Variants in SCNN1G observed in about 807,000 individuals in gnomAD.
SCNN1G encodes the protein sodium channel epithelial 1 subunit gamma, also known as epithelial sodium channel subunit gamma.
SCNN1G carries 27 observed loss-of-function variants against 64.6 expected under a neutral mutation model. The ratio of observed to expected loss-of-function variants is 0.42; its 90% CI spans 0.31 to 0.58. SCNN1G has a LOEUF of 0.58. Ranked by LOEUF, SCNN1G falls within the 20% of genes least tolerant of loss-of-function variation. SCNN1G has a pLI of 0.18. For synonymous variants in SCNN1G, 330 were observed against 314.2 expected, an observed-to-expected ratio of 1.05 and a Z score of -0.53; for missense variants, 743 against 823.4, an observed-to-expected ratio of 0.90 and a Z score of 1.19.
chr16:23,184,536 A>G (rs1056349112), intron 1 of SCNN1G, among the ~76,000 whole-genome samples: 7 of 152,184 alleles, frequency 4.6e-5, no homozygotes, highest in Middle Eastern at 3.2e-3. Flanking sequence ...GGCTACTAGC[A>G]TCATTTTGAT....
intron 10 of SCNN1G, 66 bp from the exon 11 acceptor site, chr16:23,213,036 T>G: frequency 6.5e-7 from 1 of 1,546,084 alleles, no homozygotes; most frequent in Non-Finnish European, 8.9e-7. Flanking sequence ...TTGGGGAGCC[T>G]GAGGCGGGAG....
intron 6 of SCNN1G, among the ~76,000 whole-genome samples, chr16:23,208,113 T>C (rs1960019857): frequency 6.6e-6 from 1 of 152,246 alleles, no homozygotes. Flanking sequence ...CCATTTTTGC[T>C]TGTTTGGCTT....
intron 6 of SCNN1G, among the ~76,000 whole-genome samples, 171 bp from the exon 7 acceptor site, chr16:23,209,579 A>C (rs1960045688): frequency 6.6e-6 from 1 of 152,180 alleles, no homozygotes; most frequent in Non-Finnish European, 1.5e-5. Flanking sequence ...AGTGTCTACC[A>C]CAGTACCAGG....
At chr16:23,206,797 A>G (rs900601846) in intron 6 of SCNN1G, among the ~76,000 whole-genome samples, 2 of 152,206 alleles carry the variant, frequency 1.3e-5, no homozygotes, top group Non-Finnish European at 1.5e-5. Context: ...CTATGTGTGC[A>G]CACACATACA....
chr16:23,202,173 C>A (rs920848737), intron 6 of SCNN1G, among the ~76,000 whole-genome samples: 1 of 146,042 alleles, frequency 6.8e-6, no homozygotes, highest in Admixed American at 7.4e-5. Context: ...GGAAACAGAC[C>A]TTTTCTGCCT....
At chr16:23,188,547 C>G (rs1388998937) in intron 2 of SCNN1G, among the ~76,000 whole-genome samples, 1 of 152,074 alleles carries the variant, frequency 6.6e-6, no homozygotes, top group Non-Finnish European at 1.5e-5. Flanking sequence ...ATTTAATTAT[C>G]TATATGTATG....
In SCNN1G at chr16:23,215,071, G is replaced by A. The variant is rs1298131244; in HGVS notation, c.1570-18G>A. 1.9e-6 allele frequency: 3 copies of A among 1,613,822 alleles called. No homozygotes were observed. The highest frequency in any genetic ancestry group is 2.5e-6 in the Non-Finnish European group (3 of 1,179,970). ...GGGGGAGGTTCCTCTTGATGGTGTG[G>A]CTTGGCCTGTCTTGCAGATTGAGAT... On this transcript the variant is annotated intron_variant, in intron 12 of 12. Coordinates refer to ENST00000300061, the MANE Select transcript of SCNN1G (RefSeq NM_001039.4).
chr16:23,209,898 G>T, intron 7 of SCNN1G, 50 bp downstream of exon 7: 1 of 1,342,122 alleles, frequency 7.5e-7, no homozygotes, highest in Non-Finnish European at 1.1e-6. Context: ...CCCGGACCCA[G>T]GAGACAAAGT....
At chr16:23,201,081 A>G (rs755112941) in intron 6 of SCNN1G, among the ~76,000 whole-genome samples, 13 of 152,198 alleles carry the variant, frequency 8.5e-5, no homozygotes, top group Non-Finnish European at 1.8e-4. Flanking sequence ...TCAAACTGTG[A>G]CTTGAAAAGA....
chr16:23,211,293 A>G (rs566396991), intron 7 of SCNN1G, among the ~76,000 whole-genome samples: 33 of 152,376 alleles, frequency 2.2e-4, no homozygotes, highest in Admixed American at 7.8e-4. Flanking sequence ...CTTTTATGCT[A>G]TAAGCTCCAT....
chr16:23,196,889 G>C (rs1475755066), intron 5 of SCNN1G, among the ~76,000 whole-genome samples: 1 of 152,180 alleles, frequency 6.6e-6, no homozygotes, highest in African/African-American at 2.4e-5. Context: ...CCACCCTGAG[G>C]GGTTAAGCAG....
intron 5 of SCNN1G, among the ~76,000 whole-genome samples, chr16:23,195,356 T>C (rs1959778781): frequency 1.3e-5 from 2 of 152,174 alleles, no homozygotes; most frequent in Admixed American, 1.3e-4. Context: ...AGCACTACTA[T>C]TCCACTATGA....
At position 23,209,797 on chromosome 16, in the gene SCNN1G, C is replaced by A; in HGVS notation, c.1125C>A (p.Asp375Glu). ...LSEPYSQCTE[D>E]GSDVPIRNIY... ...AGCCCTACAGTCAGTGCACGGAGGA[C>A]GGGAGTGACGTGCCAATCAGGAACA... is the stretch of plus-strand genomic sequence containing the variant. Residue 375 changes from aspartate (D) to glutamate (E), a missense_variant, in exon 7 of 13, where the codon GAC (aspartate) becomes GAA (glutamate). Coordinates refer to ENST00000300061, the MANE Select transcript of SCNN1G (RefSeq NM_001039.4). 6.2e-7 allele frequency: 1 copy of A among 1,614,008 alleles called. No homozygotes were observed. Among genetic ancestry groups the A allele is most frequent in the Non-Finnish European group, 8.5e-7 (1 of 1,179,912 alleles).
chr16:23,207,656 G>A (rs181783067), intron 6 of SCNN1G, among the ~76,000 whole-genome samples: 5 of 152,276 alleles, frequency 3.3e-5, no homozygotes, highest in Admixed American at 2.6e-4. Context: ...CTGCTAGTGC[G>A]GGCACCCTGG....
In SCNN1G at chr16:23,215,352, G is replaced by A; in HGVS notation, c.1833G>A (p.Leu611=). The part of the protein sequence containing the change: ...DLPTFNSALH[L]PPALGTQVPG... The stretch of plus-strand genomic sequence containing the variant: ...CCACTTTCAACTCTGCTTTGCACCT[G>A]CCTCCAGCCCTAGGAACCCAAGTGC... Residue 611 remains leucine (L), a synonymous_variant, in exon 13 of 13, where the codon CTG becomes CTA. Coordinates refer to ENST00000300061, the MANE Select transcript of SCNN1G (RefSeq NM_001039.4). 2 of 1,614,074 alleles carry A rather than the reference G, an allele frequency of 1.2e-6. No individual in the cohort carries two copies. The highest frequency in any genetic ancestry group is 1.7e-6 in the Non-Finnish European group (2 of 1,180,012).
chr16:23,186,642 C>A, intron 2 of SCNN1G, 54 bp downstream of exon 2: 1 of 1,482,884 alleles, frequency 6.7e-7, no homozygotes, highest in Non-Finnish European at 9.3e-7. Context: ...CCCACAGAGG[C>A]CAAAGCCCCT....
At chr16:23,187,110 T>TC (rs1282761687) in intron 2 of SCNN1G, among the ~76,000 whole-genome samples, 27 of 145,600 alleles carry the variant, frequency 1.9e-4, no homozygotes, top group African/African-American at 4.8e-4. Context: ...CCTTTTCTTT[T>TC]TTTTTTTTTT....
At chr16:23,215,061 T>G in intron 12 of SCNN1G, 28 bp from the exon 13 acceptor site, 2 of 1,613,872 alleles carry the variant, frequency 1.2e-6, no homozygotes, top group Non-Finnish European at 1.7e-6. Flanking sequence ...AGGTTCCTCT[T>G]GATGGTGTGG....
chr16:23,196,979 G>A (rs991886474), intron 5 of SCNN1G, among the ~76,000 whole-genome samples: 1 of 152,222 alleles, frequency 6.6e-6, no homozygotes, highest in Non-Finnish European at 1.5e-5. Context: ...CTCAGGCAGA[G>A]TGGCAATTTC....
Sources: gnomAD v4.1 joint callset for allele counts (sites outside exome capture counted in the v4.1 genomes callset) on GRCh38, gnomAD v4.1.1 for gene constraint, MANE v1.5 for transcripts, NCBI Gene and HGNC (gene_info 2026-07-23, HGNC 2026-07-21) for gene names.